The following SCFD2 variants were observed in gnomAD, a reference collection of about 807,000 sequenced individuals.
SCFD2 encodes sec1 family domain-containing protein 2.
In SCFD2, 54 loss-of-function variants were observed where a neutral mutation model predicts 58.9. The observed-to-expected ratio is 0.92, with a 90% CI of 0.74 to 1.15. SCFD2 has a LOEUF of 1.15. Among genes scored for constraint, SCFD2 ranks in the 50% most tolerant of loss-of-function variants. The pLI is 0.00. For synonymous variants in SCFD2, 321 were observed against 335.9 expected (o/e 0.96, Z 0.49); for missense variants, 805 against 836.6 (o/e 0.96, Z 0.47).
chr4:52,892,546 G>A (rs1718902160), intron 7 of SCFD2, among the ~76,000 whole-genome samples: 1 of 152,042 alleles, frequency 6.6e-6, no homozygotes, highest in Non-Finnish European at 1.5e-5. Flanking sequence ...CCAGCCATTT[G>A]GAATTGCCTT....
At chr4:53,197,547 C>T (rs1728095653) in intron 4 of SCFD2, among the ~76,000 whole-genome samples, 1 of 151,872 alleles carries the variant, frequency 6.6e-6, no homozygotes, top group South Asian at 2.1e-4. Flanking sequence ...TACCACCTAC[C>T]TATAATATTA....
At chr4:52,890,342 G>C (rs1055882162) in intron 7 of SCFD2, among the ~76,000 whole-genome samples, 6 of 152,184 alleles carry the variant, frequency 3.9e-5, no homozygotes, top group African/African-American at 1.2e-4. Context: ...GCTAAGGAGT[G>C]GGGGAATGTT....
chr4:53,238,671 A>C (rs1472060632), intron 4 of SCFD2, among the ~76,000 whole-genome samples: 1 of 146,930 alleles, frequency 6.8e-6, no homozygotes, highest in Non-Finnish European at 1.5e-5. Context: ...GATGCTCCTC[A>C]CCTCCCAGAC....
At chr4:53,109,946 TG>T (rs1725120960) in intron 5 of SCFD2, among the ~76,000 whole-genome samples, 1 of 152,028 alleles carries the variant, frequency 6.6e-6, no homozygotes, top group South Asian at 2.1e-4. Flanking sequence ...TAAATAAATC[TG>T]GAGGTATCAC....
intron 2 of SCFD2, among the ~76,000 whole-genome samples, chr4:53,318,204 C>G (rs1253955154): frequency 6.6e-6 from 1 of 152,128 alleles, no homozygotes. Flanking sequence ...TTTACTATAG[C>G]TTACTTCAAA....
chr4:53,070,402 A>G (rs1723781897), intron 5 of SCFD2, among the ~76,000 whole-genome samples: 1 of 152,106 alleles, frequency 6.6e-6, no homozygotes, highest in South Asian at 2.1e-4. Context: ...AATTGAAATT[A>G]AATTAATTAT....
At chr4:53,212,998 C>T (rs938662816) in intron 4 of SCFD2, among the ~76,000 whole-genome samples, 4 of 151,936 alleles carry the variant, frequency 2.6e-5, no homozygotes, top group Non-Finnish European at 4.4e-5. Context: ...CCTGTATGTA[C>T]GAATAAGGCT....
At chr4:53,030,065 T>C (rs1722577739) in intron 5 of SCFD2, among the ~76,000 whole-genome samples, 1 of 152,126 alleles carries the variant, frequency 6.6e-6, no homozygotes, top group South Asian at 2.1e-4. Flanking sequence ...GGAGAAAATA[T>C]TTGCAAAATA....
intron 3 of SCFD2, among the ~76,000 whole-genome samples, chr4:53,280,619 T>C (rs2149076330): frequency 6.6e-6 from 1 of 152,300 alleles, no homozygotes; most frequent in South Asian, 2.1e-4. Context: ...CGTCATTGCA[T>C]GTTTTTTATT....
intron 5 of SCFD2, among the ~76,000 whole-genome samples, chr4:53,046,462 G>T (rs1039488718): frequency 1.3e-5 from 2 of 151,936 alleles, no homozygotes; most frequent in African/African-American, 4.8e-5. Context: ...CAATCTATCT[G>T]CCTTGGCCTC....
chr4:53,094,085 T>C (rs1448212171), intron 5 of SCFD2, among the ~76,000 whole-genome samples: 2 of 152,014 alleles, frequency 1.3e-5, no homozygotes, highest in East Asian at 3.9e-4. Context: ...TTAGTAGGGG[T>C]ATAACATTAG....
intron 5 of SCFD2, among the ~76,000 whole-genome samples, chr4:53,142,586 A>G (rs1374424416): frequency 6.6e-6 from 1 of 152,226 alleles, no homozygotes; most frequent in Non-Finnish European, 1.5e-5. Context: ...CACATTTGGA[A>G]GGCAATTCAG....
At chr4:53,052,320 T>C (rs1030280198) in intron 5 of SCFD2, among the ~76,000 whole-genome samples, 12 of 152,172 alleles carry the variant, frequency 7.9e-5, no homozygotes, top group African/African-American at 2.4e-4. Flanking sequence ...CATCTTTCAG[T>C]TCTCAGCTTA....
At chr4:53,057,163 A>G (rs1201248624) in intron 5 of SCFD2, among the ~76,000 whole-genome samples, 2 of 152,108 alleles carry the variant, frequency 1.3e-5, no homozygotes, top group Non-Finnish European at 2.9e-5. Context: ...CAGCCTGGGT[A>G]TATACCCAAA....
intron 5 of SCFD2, among the ~76,000 whole-genome samples, chr4:52,940,897 G>T (rs1436386990): frequency 1.3e-5 from 2 of 152,112 alleles, no homozygotes; most frequent in African/African-American, 2.4e-5. Context: ...CCTTGGGCAC[G>T]CTCTTTCCAC....
At chr4:53,345,626 T>G (rs981434349) in intron 2 of SCFD2, among the ~76,000 whole-genome samples, 1 of 151,842 alleles carries the variant, frequency 6.6e-6, no homozygotes, top group Non-Finnish European at 1.5e-5. Context: ...TAAATCATGC[T>G]GCCATAAAGA....
chr4:53,065,568 G>A (rs1412160739), intron 5 of SCFD2, among the ~76,000 whole-genome samples: 1 of 151,950 alleles, frequency 6.6e-6, no homozygotes, highest in Non-Finnish European at 1.5e-5. Context: ...TTGTTATTCT[G>A]TTTTAATATT....
intron 5 of SCFD2, among the ~76,000 whole-genome samples, chr4:53,036,514 TA>T (rs1202282548): frequency 6.7e-6 from 1 of 149,952 alleles, no homozygotes. Context: ...TATGCATCCA[TA>T]AAAAAGGATA....
intron 2 of SCFD2, among the ~76,000 whole-genome samples, chr4:53,341,957 G>T (rs563130310): frequency 6.6e-6 from 1 of 152,104 alleles, no homozygotes; most frequent in East Asian, 1.9e-4. Context: ...CCTGAAAGAA[G>T]CACTAAACAT....
Sources: gnomAD v4.1 joint callset for allele counts (sites outside exome capture counted in the v4.1 genomes callset) on GRCh38, gnomAD v4.1.1 for gene constraint, MANE v1.5 for transcripts, NCBI Gene and HGNC (gene_info 2026-07-23, HGNC 2026-07-21) for gene names.